Variants in AGBL1 observed in about 807,000 individuals in gnomAD.
The protein encoded by AGBL1 is cytosolic carboxypeptidase 4.
In AGBL1, 130 loss-of-function variants were observed where a neutral mutation model predicts 118.9. That is an observed-to-expected ratio of 1.09 (90% CI 0.95 to 1.26). The LOEUF (loss-of-function observed/expected upper bound fraction) is 1.26. Among genes scored for constraint, AGBL1 ranks in the 50% most tolerant of loss-of-function variants. AGBL1 has a pLI of 0.00. For synonymous variants in AGBL1, 555 were observed against 478.9 expected (o/e 1.16, Z -2.08); for missense variants, 1,584 against 1,298.1 (o/e 1.22, Z -3.38).
At chr15:86,832,582 CAT>C (rs2079120092) in intron 22 of AGBL1, among the ~76,000 whole-genome samples, 2 of 152,208 alleles carry the variant, frequency 1.3e-5, no homozygotes, top group South Asian at 4.1e-4. Context: ...TTTGCCAAAA[CAT>C]AGAAAGAGTC....
At chr15:86,190,398 A>T (rs1424006737) in intron 5 of AGBL1, among the ~76,000 whole-genome samples, 2 of 152,150 alleles carry the variant, frequency 1.3e-5, no homozygotes, top group African/African-American at 4.8e-5. Context: ...AATAGAAAGT[A>T]AATAGTAAGT....
chr15:86,350,025 A>G (rs1890261552), intron 17 of AGBL1, among the ~76,000 whole-genome samples: 1 of 152,238 alleles, frequency 6.6e-6, no homozygotes, highest in African/African-American at 2.4e-5. Context: ...TGACCATGCA[A>G]AAAGTGGAAG....
rs79902326 is a variant in AGBL1, at chr15:86,678,444, A to T, written c.3158+4008A>T. ...TATATCATGAGGAGTATTTTTTATA[A>T]ATTTCCTAATCACGTCTTTGTGCAT... On this transcript the variant is annotated intron_variant, in intron 22 of 22. Coordinates refer to ENST00000614907, the MANE Select transcript of AGBL1 (RefSeq NM_001386094.1). Among the ~76,000 whole-genome samples the T allele has an allele frequency of 9.1e-3, 1,385 of 152,204 alleles. 15 individuals carry two copies. Among genetic ancestry groups the T allele is most frequent in the Non-Finnish European group, 0.014 (931 of 67,958 alleles).
At chr15:86,919,908 C>G (rs1048014158), downstream of AGBL1, among the ~76,000 whole-genome samples, 7 of 152,178 alleles carry the variant, frequency 4.6e-5, no homozygotes, top group Non-Finnish European at 4.4e-5. Context: ...CAGGGGCTGC[C>G]TGGCCCACTC....
At chr15:86,763,349 A>C (rs149224669) in intron 22 of AGBL1, among the ~76,000 whole-genome samples, 2 of 152,046 alleles carry the variant, frequency 1.3e-5, no homozygotes, top group South Asian at 2.1e-4. Context: ...TTAACTCACA[A>C]AGTGGCTGAG....
chr15:86,835,976 C>A (rs1391139838), intron 22 of AGBL1, among the ~76,000 whole-genome samples: 1 of 152,188 alleles, frequency 6.6e-6, no homozygotes, highest in East Asian at 1.9e-4. Context: ...AGTTTCTTAT[C>A]TTTCATCAAG....
intron 21 of AGBL1, among the ~76,000 whole-genome samples, chr15:86,554,745 CA>C (rs1268721537): frequency 6.6e-6 from 1 of 152,120 alleles, no homozygotes; most frequent in Non-Finnish European, 1.5e-5. Flanking sequence ...GCATGCTTTC[CA>C]ATTTGGTTCC....
At chr15:86,664,844 A>G (rs1302511663) in intron 21 of AGBL1, among the ~76,000 whole-genome samples, 1 of 126,902 alleles carries the variant, frequency 7.9e-6, no homozygotes, top group African/African-American at 2.8e-5. Context: ...TTAAAATCAC[A>G]TATTACATAA....
chr15:86,190,159 A>G (rs2077696463), intron 5 of AGBL1, among the ~76,000 whole-genome samples: 1 of 152,198 alleles, frequency 6.6e-6, no homozygotes, highest in Non-Finnish European at 1.5e-5. Context: ...TTTTAAAAGT[A>G]TTATGCACCT....
chr15:86,187,841 C>A (rs972663357), intron 5 of AGBL1, among the ~76,000 whole-genome samples: 1 of 152,152 alleles, frequency 6.6e-6, no homozygotes, highest in Non-Finnish European at 1.5e-5. Context: ...AAGTCAACAT[C>A]TTCCCTAAGG....
At chr15:86,679,894 T>C (rs1596363071) in intron 22 of AGBL1, among the ~76,000 whole-genome samples, 1 of 152,244 alleles carries the variant, frequency 6.6e-6, no homozygotes, top group African/African-American at 2.4e-5. Flanking sequence ...CTGGCTGTGA[T>C]CTGAAATATT....
At chr15:86,605,149 T>TA (rs201568387) in intron 21 of AGBL1, among the ~76,000 whole-genome samples, 4,206 of 152,156 alleles carry the variant, frequency 0.028, 106 homozygotes, top group East Asian at 0.13. Flanking sequence ...ATATTTTTTT[T>TA]AAAAAGAACA....
At chr15:86,506,796 A>G (rs903822596) in intron 18 of AGBL1, among the ~76,000 whole-genome samples, 1 of 152,122 alleles carries the variant, frequency 6.6e-6, no homozygotes, top group African/African-American at 2.4e-5. Flanking sequence ...GACATTGAAT[A>G]AATAAATGTG....
chr15:87,003,701 C>A (rs1186857933), intron 24 of AGBL1, among the ~76,000 whole-genome samples: 1 of 152,092 alleles, frequency 6.6e-6, no homozygotes. Context: ...CTGGTTTAGT[C>A]TTGGGAGGGT....
intron 13 of AGBL1, among the ~76,000 whole-genome samples, chr15:86,268,526 C>T (rs2079108073): frequency 6.6e-6 from 1 of 152,142 alleles, no homozygotes; most frequent in African/African-American, 2.4e-5. Flanking sequence ...TCCCTTGGAC[C>T]AGAGTCTAAA....
intron 17 of AGBL1, chr15:86,312,131 C>G (rs1241709144): frequency 6.6e-6 from 1 of 152,208 alleles, no homozygotes; most frequent in Non-Finnish European, 1.5e-5. Flanking sequence ...ACAAAACTTA[C>G]AGTCACATTC....
chr15:86,485,598 T>C (rs1437445862), intron 18 of AGBL1, among the ~76,000 whole-genome samples: 1 of 152,160 alleles, frequency 6.6e-6, no homozygotes, highest in Non-Finnish European at 1.5e-5. Flanking sequence ...TTTTAAATTT[T>C]ACATAATTTT....
At chr15:86,684,520 T>G (rs149340028) in intron 22 of AGBL1, among the ~76,000 whole-genome samples, 5 of 151,844 alleles carry the variant, frequency 3.3e-5, no homozygotes, top group African/African-American at 1.2e-4. Flanking sequence ...AGGATCTCAC[T>G]ATGTTGCCCA....
At chr15:86,619,749 C>G (rs572897446) in intron 21 of AGBL1, among the ~76,000 whole-genome samples, 6 of 152,292 alleles carry the variant, frequency 3.9e-5, no homozygotes, top group Admixed American at 3.9e-4. Flanking sequence ...AATAGAGGTA[C>G]AATACCCGGG....
Sources: allele counts gnomAD v4.1 joint callset (sites outside exome capture counted in the v4.1 genomes callset), GRCh38; gene constraint gnomAD v4.1.1; transcripts MANE v1.5; gene names NCBI Gene and HGNC (gene_info 2026-07-23, HGNC 2026-07-21).